Variants in SMAD9 observed in about 807,000 individuals in gnomAD.
The protein encoded by SMAD9 is SMAD family member 9, also known as MAD homolog 9.
In SMAD9, 36 loss-of-function variants were observed where a neutral mutation model predicts 46.1. The ratio of observed to expected loss-of-function variants is 0.78; its 90% confidence interval spans 0.60 to 1.03. The LOEUF (loss-of-function observed/expected upper bound fraction) is 1.03. SMAD9 is among the 50% of genes least tolerant of loss of function. The pLI, the probability that SMAD9 is intolerant of heterozygous loss-of-function variation, is 0.00. For missense variants in SMAD9, 572 were observed against 599.8 expected (o/e 0.95, Z 0.48); for synonymous variants, 245 against 237.1 (o/e 1.03, Z -0.31).
rs770760589 is a variant in SMAD9 at position 36,844,939 on chromosome 13, TAG to T, written c.*3735_*3736del. 1 of 152,184 alleles carries T rather than the reference TAG, an allele frequency of 6.6e-6. No individual in the cohort carries two copies. Among genetic ancestry groups the T allele is most frequent in the Non-Finnish European group, 1.5e-5 (1 of 68,028 alleles). 9.4% of individuals were successfully genotyped at this position (152,184 alleles called of 1,614,324 possible). A position where few individuals can be genotyped will look rare whatever the true frequency, so the allele number is the denominator to read the frequency against. ...AATAGAAAGCATGACTTCACTCAAATAGACAGTTTCTTTGTTGTTGTTAATCT... is the reference window on the plus strand; with the variant it reads ...AATAGAAAGCATGACTTCACTCAAATACAGTTTCTTTGTTGTTGTTAATCT... On this transcript the variant is annotated 3_prime_UTR_variant, in exon 7 of 7. Transcript: ENST00000379826.
At chr13:36,871,101 C>T (rs1484959058) in intron 3 of SMAD9, among the ~76,000 whole-genome samples, 1 of 152,176 alleles carries the variant, frequency 6.6e-6, no homozygotes, top group Admixed American at 6.5e-5. Flanking sequence ...ACAACTACAC[C>T]GTCTTAATCA....
At position 36,865,605 on chromosome 13, in the gene SMAD9, C is replaced by A; in HGVS notation, c.935G>T (p.Cys312Phe). The A allele has an allele frequency of 1.2e-6, 2 of 1,614,178 alleles. No homozygotes were observed. The highest frequency in any genetic ancestry group is 1.7e-6 in the Non-Finnish European group (2 of 1,180,008). ...GTTTACATTAGAAAGAAGTCCAAGACAGAATCTGTTCCTGTTATTTGAAGG... is the reference window on the plus strand; with the variant it reads ...GTTTACATTAGAAAGAAGTCCAAGAAAGAATCTGTTCCTGTTATTTGAAGG... Reference protein sequence around the residue: ...TDPSNNRNRFCLGLLSNVNRN... With the variant: ...TDPSNNRNRFFLGLLSNVNRN... Residue 312 changes from cysteine (C) to phenylalanine (F), a missense_variant, in exon 5 of 7, where the codon TGT becomes TTT. Coordinates refer to ENST00000379826, the MANE Select transcript of SMAD9 (RefSeq NM_001127217.3).
At chr13:36,848,851 G>A (rs1281463953) in intron 6 of SMAD9, 32 bp from the exon 7 acceptor site, 3 of 1,609,798 alleles carry the variant, frequency 1.9e-6, no homozygotes, top group Non-Finnish European at 2.5e-6. Context: ...GAGTGATGGT[G>A]CCACACTTAC....
At chr13:36,903,124 T>C (rs1325739696) in intron 1 of SMAD9, among the ~76,000 whole-genome samples, 1 of 141,654 alleles carries the variant, frequency 7.1e-6, no homozygotes, top group East Asian at 2.2e-4. Flanking sequence ...TTTTTTCTTT[T>C]GGTTTTTTTT....
rs2058541218 is a variant in SMAD9 at position 36,897,835 on chromosome 13, GA to G, written c.-186-17961del. Among the ~76,000 whole-genome samples the G allele has an allele frequency of 2.8e-5, 4 of 142,576 alleles. No individual in the cohort carries two copies. The South Asian group carries it at 9.4e-4, about 34-fold the overall frequency. The allele number at this position is 142,576 out of a possible 152,430, so 93.5% of individuals were successfully genotyped here. ...TTAGTGGAAACATTCCAAGGTAACAGAAATGTCCTGTGTCTTTTTTTTTTTT... is the reference window on the plus strand; with the variant it reads ...TTAGTGGAAACATTCCAAGGTAACAGAATGTCCTGTGTCTTTTTTTTTTTT... On this transcript the variant is annotated intron_variant, in intron 1 of 6. Transcript: ENST00000379826.
intron 1 of SMAD9, among the ~76,000 whole-genome samples, chr13:36,887,040 GTTTT>G (rs200264324): frequency 9.8e-5 from 10 of 102,538 alleles, no homozygotes; most frequent in Non-Finnish European, 1.7e-4. Flanking sequence ...CTTTGAATGG[GTTTT>G]TTTTTTTTTT....
At chr13:36,902,062 T>C (rs935451652) in intron 1 of SMAD9, among the ~76,000 whole-genome samples, 3 of 152,344 alleles carry the variant, frequency 2.0e-5, no homozygotes, top group Admixed American at 2.0e-4. Context: ...ATTGCCAAAT[T>C]CAAGGTTATA....
In SMAD9 at chr13:36,852,402, T is replaced by C. The variant is rs1292125654; in HGVS notation, c.1260+1017A>G. The C allele has an allele frequency of 2.3e-5, 23 of 985,108 alleles. 1 individual carries two copies. In the Admixed American group the frequency reaches 1.1e-3, roughly 47 times the overall value. The allele number at this position is 985,108 out of a possible 1,614,324, so 61.0% of individuals were successfully genotyped here. ...AATACTAGACTCATTTGCGAGTACT[T>C]TGCAACAGACAAAATAGCAGGTGAT... On this transcript the variant is annotated intron_variant, in intron 6 of 6. Coordinates refer to ENST00000379826, the MANE Select transcript of SMAD9 (RefSeq NM_001127217.3).
At chr13:36,879,107 T>C (rs938359708) in intron 2 of SMAD9, among the ~76,000 whole-genome samples, 171 bp downstream of exon 2, 1 of 152,044 alleles carries the variant, frequency 6.6e-6, no homozygotes, top group African/African-American at 2.4e-5. Flanking sequence ...GCTGCCTCAT[T>C]CCGGGAAACA....
intron 1 of SMAD9, among the ~76,000 whole-genome samples, chr13:36,916,649 A>G (rs983280352): frequency 4.6e-5 from 7 of 152,180 alleles, no homozygotes; most frequent in African/African-American, 1.7e-4. Context: ...TAGATGAAAC[A>G]GTCCCTTCCT....
At chr13:36,904,370 G>A (rs1236594735) in intron 1 of SMAD9, among the ~76,000 whole-genome samples, 1 of 152,186 alleles carries the variant, frequency 6.6e-6, no homozygotes, top group Non-Finnish European at 1.5e-5. Flanking sequence ...AAAATTGCAC[G>A]GCGCTGGGAT....
At chr13:36,902,573 C>T (rs2058585300) in intron 1 of SMAD9, among the ~76,000 whole-genome samples, 1 of 151,922 alleles carries the variant, frequency 6.6e-6, no homozygotes, top group South Asian at 2.1e-4. Context: ...CCTGCCTCAG[C>T]CTCCCAAGTA....
chr13:36,885,292 T>C (rs1391373202), intron 1 of SMAD9, among the ~76,000 whole-genome samples: 1 of 152,222 alleles, frequency 6.6e-6, no homozygotes, highest in Admixed American at 6.5e-5. Flanking sequence ...AAAGGACTTC[T>C]ATCTAGAAAA....
Position 36,879,498 on chromosome 13 carries a change from C to G in SMAD9, c.192G>C (p.Gln64His). ...GGGGAATCGTGACGCATTTGCTGGG[C>G]TGCCCCGGGCAGCTGAGAGCCCTCT... ...ELERALSCPG[Q>H]PSKCVTIPRS... Residue 64 changes from glutamine (Q) to histidine (H), a missense_variant, in exon 2 of 7, where the codon CAG (glutamine) becomes CAC (histidine). Physicochemically the swap from Gln to His is conservative, Grantham distance 24. Coordinates refer to ENST00000379826, the MANE Select transcript of SMAD9 (RefSeq NM_001127217.3). The G allele has an allele frequency of 1.2e-6, 2 of 1,614,060 alleles. No homozygotes were observed. The highest frequency in any genetic ancestry group is 1.7e-6 in the Non-Finnish European group (2 of 1,180,032).
rs1593539027 is a variant in SMAD9, at chr13:36,845,334, A to AAACAT, written c.*3337_*3341dup. ...ACTGAGTGTAAAACAAAACAAAACA[A>AAACAT]AACATAAGGTATATGTGTTAAGTAG... On this transcript the variant is annotated 3_prime_UTR_variant, in exon 7 of 7. Transcript: ENST00000379826. The AAACAT allele has an allele frequency of 6.6e-6, 1 of 150,782 alleles. No homozygotes were observed. The highest frequency in any genetic ancestry group is 1.5e-5 in the Non-Finnish European group (1 of 67,890). The allele number at this position is 150,782 out of a possible 1,614,324, so 9.3% of individuals were successfully genotyped here.
At chr13:36,850,178 T>C (rs1040961903) in intron 6 of SMAD9, 1 of 152,214 alleles carries the variant, frequency 6.6e-6, no homozygotes, top group African/African-American at 2.4e-5. Flanking sequence ...TTGTGTTATG[T>C]GGGCAGCATT....
chr13:36,902,170 A>G (rs2058581796), intron 1 of SMAD9, among the ~76,000 whole-genome samples: 1 of 152,140 alleles, frequency 6.6e-6, no homozygotes, highest in Non-Finnish European at 1.5e-5. Flanking sequence ...AGTGTGAGGT[A>G]GGGATCTAAC....
intron 1 of SMAD9, among the ~76,000 whole-genome samples, chr13:36,900,684 TACACACACACACACACAC>T (rs58756918): frequency 4.2e-5 from 6 of 142,788 alleles, no homozygotes; most frequent in African/African-American, 7.8e-5. Flanking sequence ...TCATTATGAC[TACACACACACACACACAC>T]ACACACACAC....
rs1216081969 is a variant in SMAD9 at position 36,845,421 on chromosome 13, T to C, written c.*3255A>G. 2.0e-5 allele frequency: 3 copies of C among 152,152 alleles called. No homozygotes were observed. The highest frequency in any genetic ancestry group is 2.9e-5 in the Non-Finnish European group (2 of 68,034). 9.4% of individuals were successfully genotyped at this position (152,152 alleles called of 1,614,324 possible). ...AAAATATCATCTAGCTAAAACAAACTTTTCACAATTTTTTAACAGAAAAAT... is the reference window on the plus strand; with the variant it reads ...AAAATATCATCTAGCTAAAACAAACCTTTCACAATTTTTTAACAGAAAAAT... On this transcript the variant is annotated 3_prime_UTR_variant, in exon 7 of 7. Coordinates refer to ENST00000379826, the MANE Select transcript of SMAD9 (RefSeq NM_001127217.3).
Sources: gnomAD v4.1 joint callset for allele counts (sites outside exome capture counted in the v4.1 genomes callset) on GRCh38, gnomAD v4.1.1 for gene constraint, MANE v1.5 for transcripts, NCBI Gene and HGNC (gene_info 2026-07-23, HGNC 2026-07-21) for gene names.